PPP2R2C: variants seen among roughly 807,000 people sequenced by gnomAD.
The protein encoded by PPP2R2C is protein phosphatase 2 regulatory subunit Bgamma.
A neutral mutation model predicts 45.3 loss-of-function variants in PPP2R2C; 10 were observed. That is an observed-to-expected ratio of 0.22 (90% CI 0.14 to 0.37). PPP2R2C has a LOEUF of 0.37. PPP2R2C is among the 10% of genes least tolerant of loss of function. The pLI is 1.00. For synonymous variants in PPP2R2C, 257 were observed against 245.4 expected (o/e 1.05, Z -0.44); for missense variants, 308 against 619.7 (o/e 0.50, Z 5.34).
chr4:6,348,937 G>T, intron 5 of PPP2R2C: 1 of 899,264 alleles, frequency 1.1e-6, no homozygotes, highest in Non-Finnish European at 1.3e-6. Context: ...TGTTACACTA[G>T]AGCACAGAGA....
chr4:6,472,096 T>G, intron 1 of PPP2R2C, 64 bp downstream of exon 1: 1 of 1,602,042 alleles, frequency 6.2e-7, no homozygotes, highest in Non-Finnish European at 8.5e-7. Flanking sequence ...TCGGAGGGCA[T>G]TCGGTGCGAC....
rs1020769563 is a variant in PPP2R2C at position 6,364,794 on chromosome 4, A to G, written c.625+7729T>C. Among the ~76,000 whole-genome samples the G allele has an allele frequency of 6.6e-6, 1 of 152,126 alleles. No homozygotes were observed. The highest frequency in any genetic ancestry group is 2.4e-5 in the African/African-American group (1 of 41,436). On this transcript the variant is annotated intron_variant, in intron 5 of 8. Transcript: ENST00000382599. This position sits in a 1 kb window ranked among gnomAD's most constrained non-coding sequence, Gnocchi z 5.3. The stretch of plus-strand genomic sequence containing the variant: ...CTAGACCTAAGAAGGGAGGCCAGTC[A>G]GGTCACCATCATGATCAGAGTGAGA...
At chr4:6,423,051 G>A (rs569153321) in intron 1 of PPP2R2C, among the ~76,000 whole-genome samples, 5 of 152,286 alleles carry the variant, frequency 3.3e-5, no homozygotes, top group Non-Finnish European at 5.9e-5. Flanking sequence ...CATCTGTCAC[G>A]CTGGCTCCCC....
chr4:6,499,333 G>A (rs1031622405), intron 2 of PPP2R2C, among the ~76,000 whole-genome samples: 3 of 152,182 alleles, frequency 2.0e-5, no homozygotes, highest in African/African-American at 7.2e-5. Flanking sequence ...GGAGCACTGT[G>A]GAGCGCAACC....
Position 6,329,120 on chromosome 4 carries a change from AG to A in PPP2R2C, c.1052+141del. The stretch of plus-strand genomic sequence containing the variant: ...GCTGAGAGTTGGACCTGCTCTGGAA[AG>A]CGTGGGCTTCACCCAGACACCTGGA... On this transcript the variant is annotated intron_variant, in intron 8 of 8. Transcript: ENST00000382599. The surrounding 1 kb of genome is among the most constrained non-coding windows in gnomAD (Gnocchi z 5.8). The A allele has an allele frequency of 1.4e-6, 1 of 701,810 alleles. No individual in the cohort carries two copies. The highest frequency in any genetic ancestry group is 4.0e-4 in the Middle Eastern group (1 of 2,520). The allele number at this position is 701,810 out of a possible 1,614,324, so 43.5% of individuals were successfully genotyped here.
At chr4:6,357,753 C>G (rs568643360) in intron 5 of PPP2R2C, among the ~76,000 whole-genome samples, 37 of 152,274 alleles carry the variant, frequency 2.4e-4, no homozygotes, top group African/African-American at 8.7e-4. Flanking sequence ...GCTGGGTGCC[C>G]CCAGCTGTTC....
chr4:6,393,680 C>G (rs1716811785), intron 1 of PPP2R2C, among the ~76,000 whole-genome samples: 2 of 152,184 alleles, frequency 1.3e-5, no homozygotes, highest in Non-Finnish European at 1.5e-5. Context: ...TCGGGGAGGC[C>G]AGGGGCTGTG....
At chr4:6,512,392 G>T (rs376313898) in intron 2 of PPP2R2C, among the ~76,000 whole-genome samples, 3 of 128,346 alleles carry the variant, frequency 2.3e-5, no homozygotes, top group Non-Finnish European at 5.1e-5. Context: ...GGTGGTGATG[G>T]TGGTGGTGGT....
chr4:6,347,283 G>T (rs1712058030), intron 6 of PPP2R2C, among the ~76,000 whole-genome samples: 1 of 152,190 alleles, frequency 6.6e-6, no homozygotes, highest in South Asian at 2.1e-4. Flanking sequence ...GCTGGGGGCT[G>T]CTGTGTCACA....
At chr4:6,453,909 G>A (rs938212455) in intron 1 of PPP2R2C, among the ~76,000 whole-genome samples, 2 of 152,116 alleles carry the variant, frequency 1.3e-5, no homozygotes, top group South Asian at 2.1e-4. Context: ...ACCCCCACCC[G>A]GCCCTGTTTG....
intron 5 of PPP2R2C, chr4:6,349,755 G>A: frequency 1.5e-6 from 1 of 685,254 alleles, no homozygotes; most frequent in Non-Finnish European, 1.8e-6. Flanking sequence ...AAAATTAGTA[G>A]TGGCGTATGC....
At chr4:6,360,568 C>A (rs1713639652) in intron 5 of PPP2R2C, among the ~76,000 whole-genome samples, 1 of 152,208 alleles carries the variant, frequency 6.6e-6, no homozygotes, top group African/African-American at 2.4e-5. Flanking sequence ...TGCCAAGAGC[C>A]ACAAAAGGAC....
intron 5 of PPP2R2C, among the ~76,000 whole-genome samples, chr4:6,366,627 C>G (rs1037601101): frequency 2.0e-5 from 3 of 152,212 alleles, no homozygotes; most frequent in Non-Finnish European, 4.4e-5. Context: ...AGGGGTGTGG[C>G]AGGGACAGGT....
At chr4:6,351,452 A>AGCCTATACATGGGG in intron 5 of PPP2R2C, 2 of 700,512 alleles carry the variant, frequency 2.9e-6, no homozygotes, top group Non-Finnish European at 1.8e-6. Context: ...CGAGCACCCC[A>AGCCTATACATGGGG]TGTATAGGCT....
At chr4:6,544,547 G>A (rs1205348725) in intron 1 of PPP2R2C, among the ~76,000 whole-genome samples, 1 of 152,006 alleles carries the variant, frequency 6.6e-6, no homozygotes, top group Non-Finnish European at 1.5e-5. Flanking sequence ...ATGTTGCCCA[G>A]GCTGGTCTCT....
intron 1 of PPP2R2C, among the ~76,000 whole-genome samples, chr4:6,453,392 C>T (rs1313630897): frequency 1.3e-5 from 2 of 152,092 alleles, no homozygotes; most frequent in African/African-American, 4.8e-5. Flanking sequence ...TCCATGGCAA[C>T]CCCCAGCCCC....
chr4:6,352,223 G>C (rs893996471), intron 5 of PPP2R2C, among the ~76,000 whole-genome samples: 1 of 151,972 alleles, frequency 6.6e-6, no homozygotes, highest in Admixed American at 6.6e-5. Flanking sequence ...GTCTGGTCTT[G>C]GCTGTCACTC....
intron 1 of PPP2R2C, among the ~76,000 whole-genome samples, chr4:6,548,407 A>G (rs539297254): frequency 1.8e-4 from 28 of 152,246 alleles, no homozygotes; most frequent in African/African-American, 6.7e-4. Flanking sequence ...GCACATCCCA[A>G]AGCACAGACA....
At chr4:6,373,893 G>A (rs927761566) in intron 4 of PPP2R2C, among the ~76,000 whole-genome samples, 1 of 138,854 alleles carries the variant, frequency 7.2e-6, no homozygotes, top group East Asian at 2.1e-4. Context: ...ATACGTGTAT[G>A]TGCATGCATG....
Sources: gnomAD v4.1 joint callset for allele counts (sites outside exome capture counted in the v4.1 genomes callset) on GRCh38, gnomAD v4.1.1 for gene constraint, Gnocchi (gnomAD v3.1) non-coding constraint, MANE v1.5 for transcripts, NCBI Gene and HGNC (gene_info 2026-07-23, HGNC 2026-07-21) for gene names.